Variants in UBR3 observed in about 807,000 individuals in gnomAD.
UBR3 encodes the protein E3 ubiquitin-protein ligase UBR3.
Under a neutral mutation model 243.2 loss-of-function variants are expected in UBR3, and 85 were observed. The ratio of observed to expected loss-of-function variants is 0.35; its 90% CI spans 0.29 to 0.42. UBR3 has a LOEUF of 0.42. Among genes scored for constraint, UBR3 ranks in the 10% least tolerant of loss-of-function variants. The pLI is 1.00. For synonymous variants in UBR3, 748 were observed against 799.8 expected, an observed-to-expected ratio of 0.94 and a Z score of 1.09; for missense variants, 1,686 against 2,300.8, an observed-to-expected ratio of 0.73 and a Z score of 5.47.
At chr2:169,947,134 T>G (rs12692928) in intron 21 of UBR3, among the ~76,000 whole-genome samples, 148,646 of 152,166 alleles carry the variant, frequency 0.98, 72,687 homozygotes, top group East Asian at 1. Flanking sequence ...TTTCATAGAT[T>G]TTAAAAGGTT....
At chr2:169,916,591 C>A (rs2085473653) in intron 11 of UBR3, among the ~76,000 whole-genome samples, 1 of 152,134 alleles carries the variant, frequency 6.6e-6, no homozygotes, top group South Asian at 2.1e-4. Flanking sequence ...TGGATGCCCT[C>A]CTCATTCTGC....
intron 31 of UBR3, among the ~76,000 whole-genome samples, chr2:170,039,642 A>C (rs893224681): frequency 6.6e-6 from 1 of 152,170 alleles, no homozygotes; most frequent in Admixed American, 6.6e-5. Flanking sequence ...TTGCTGAATG[A>C]TCGAGCCTAA....
At chr2:169,903,230 G>A (rs575530026) in intron 8 of UBR3, among the ~76,000 whole-genome samples, 1 of 152,190 alleles carries the variant, frequency 6.6e-6, no homozygotes, top group African/African-American at 2.4e-5. Flanking sequence ...TGATTCCAAG[G>A]CGTTTTTTAC....
chr2:169,953,224 C>T (rs531141006), intron 23 of UBR3, among the ~76,000 whole-genome samples: 81 of 152,244 alleles, frequency 5.3e-4, no homozygotes, highest in Admixed American at 1.1e-3. Flanking sequence ...TTGACAAGGA[C>T]TTGAAACTAA....
chr2:169,877,877 C>A (rs900332444), intron 4 of UBR3, among the ~76,000 whole-genome samples: 1 of 152,158 alleles, frequency 6.6e-6, no homozygotes, highest in Non-Finnish European at 1.5e-5. Flanking sequence ...GGTTCTAACT[C>A]ATGAAAAATG....
chr2:170,008,252 G>A (rs556206149), intron 28 of UBR3, among the ~76,000 whole-genome samples: 1 of 152,296 alleles, frequency 6.6e-6, no homozygotes, highest in East Asian at 1.9e-4. Context: ...TCTGGTTTAT[G>A]TAGTAAATTT....
intron 28 of UBR3, among the ~76,000 whole-genome samples, chr2:170,007,508 A>G (rs750393306): frequency 1.3e-5 from 2 of 152,204 alleles, no homozygotes; most frequent in Non-Finnish European, 2.9e-5. Flanking sequence ...CTGTAATCCC[A>G]GCACTTTGGG....
chr2:169,990,732 C>T (rs2089236502), intron 25 of UBR3, among the ~76,000 whole-genome samples: 1 of 150,114 alleles, frequency 6.7e-6, no homozygotes, highest in Admixed American at 6.6e-5. Flanking sequence ...CACACACACA[C>T]ACACACACAC....
chr2:169,827,704 CCGCGGCTGCCGGCGGCGAGGA>C lies in UBR3; in HGVS notation c.204_224del (p.Gly70_Ala76del), dbSNP rs1354309300. ...GTGCTGAGCGCCGAGCGGCCGCTGG[CCGCGGCTGCCGGCGGCGAGGA>C]CGCGGCGGCGGCCGGAGGCGGGGGC... On this transcript the variant is annotated inframe_deletion, in exon 1 of 39. Transcript: ENST00000272793. The C allele has an allele frequency of 6.6e-6, 8 of 1,218,336 alleles. No homozygotes were observed. Among genetic ancestry groups the C allele is most frequent in the South Asian group, 4.1e-5 (1 of 24,462 alleles). 75.5% of individuals were successfully genotyped at this position (1,218,336 alleles called of 1,614,324 possible).
At chr2:170,013,020 C>T (rs532980464) in intron 29 of UBR3, among the ~76,000 whole-genome samples, 1 of 150,234 alleles carries the variant, frequency 6.7e-6, no homozygotes, top group Non-Finnish European at 1.5e-5. Context: ...TAGAGATTTT[C>T]GCCTCTTTTT....
intron 23 of UBR3, among the ~76,000 whole-genome samples, chr2:169,957,103 T>A (rs2087336218): frequency 6.6e-6 from 1 of 152,194 alleles, no homozygotes; most frequent in Admixed American, 6.5e-5. Flanking sequence ...TTCTTCTTCC[T>A]CTCCTTCACT....
intron 1 of UBR3, among the ~76,000 whole-genome samples, chr2:169,867,906 C>A (rs970067732): frequency 6.6e-6 from 1 of 152,086 alleles, no homozygotes; most frequent in Admixed American, 6.5e-5. Flanking sequence ...CTTCAGCATT[C>A]ATCTTTAAAG....
intron 24 of UBR3, among the ~76,000 whole-genome samples, chr2:169,979,103 G>GT (rs2088600744): frequency 6.6e-6 from 1 of 152,170 alleles, no homozygotes. Context: ...CAGAAGATCT[G>GT]AACAGACACC....
chr2:169,984,317 A>G (rs946258585), intron 24 of UBR3, among the ~76,000 whole-genome samples: 5 of 152,208 alleles, frequency 3.3e-5, no homozygotes, highest in African/African-American at 1.2e-4. Context: ...TAACAAACAG[A>G]TTGTGACTGT....
chr2:169,932,426 T>C (rs553657820), intron 18 of UBR3, among the ~76,000 whole-genome samples: 3 of 152,266 alleles, frequency 2.0e-5, no homozygotes, highest in East Asian at 3.9e-4. Context: ...TAAGTACTTT[T>C]TTTGTTTAAT....
intron 10 of UBR3, among the ~76,000 whole-genome samples, chr2:169,907,596 G>A (rs936335805): frequency 2.0e-5 from 3 of 151,824 alleles, no homozygotes; most frequent in Admixed American, 6.6e-5. Context: ...ACTGTAATCT[G>A]TCTCAATACC....
chr2:169,899,110 C>G (rs2084712482), intron 8 of UBR3, among the ~76,000 whole-genome samples: 1 of 152,072 alleles, frequency 6.6e-6, no homozygotes, highest in Non-Finnish European at 1.5e-5. Flanking sequence ...TCCCGAGTAG[C>G]TGGGACTACA....
intron 6 of UBR3, among the ~76,000 whole-genome samples, chr2:169,892,541 C>G (rs1409727194): frequency 6.6e-6 from 1 of 152,122 alleles, no homozygotes; most frequent in Non-Finnish European, 1.5e-5. Context: ...GGATTGAGTG[C>G]CTTCTCTTCC....
At chr2:169,877,433 A>T in intron 3 of UBR3, 61 bp from the exon 4 acceptor site, 1 of 1,424,928 alleles carries the variant, frequency 7.0e-7, no homozygotes, top group Non-Finnish European at 9.4e-7. Flanking sequence ...AGTTAATGAA[A>T]AGACCATACT....
Sources: gnomAD v4.1 joint callset for allele counts (sites outside exome capture counted in the v4.1 genomes callset) on GRCh38, gnomAD v4.1.1 for gene constraint, MANE v1.5 for transcripts, NCBI Gene and HGNC (gene_info 2026-07-23, HGNC 2026-07-21) for gene names.